The following YEATS2 variants were observed in gnomAD, a reference collection of about 807,000 sequenced individuals.
YEATS2 encodes YEATS domain containing 2.
In YEATS2, 77 loss-of-function variants were observed where a neutral mutation model predicts 163.2. The observed-to-expected ratio is 0.47, with a 90% CI of 0.39 to 0.57. The LOEUF (loss-of-function observed/expected upper bound fraction) is 0.57, where lower values mean the gene tolerates loss of function less well. Ranked by LOEUF, YEATS2 falls within the 20% of genes least tolerant of loss-of-function variation. The pLI, the probability that YEATS2 is intolerant of heterozygous loss-of-function variation, is 0.00. For missense variants in YEATS2, 1,549 were observed against 1,729.8 expected, an observed-to-expected ratio of 0.90 and a Z score of 1.85; for synonymous variants, 631 against 645.1, an observed-to-expected ratio of 0.98 and a Z score of 0.33.
intron 9 of YEATS2, among the ~76,000 whole-genome samples, chr3:183,751,617 A>G (rs1720175366): frequency 6.6e-6 from 1 of 152,222 alleles, no homozygotes; most frequent in African/African-American, 2.4e-5. Context: ...TAAACACAAA[A>G]GCAAATAAAA....
At chr3:183,792,592 A>G (rs1328000212) in intron 21 of YEATS2, among the ~76,000 whole-genome samples, 3 of 152,054 alleles carry the variant, frequency 2.0e-5, no homozygotes, top group Admixed American at 6.6e-5. Context: ...ATCTCGGCTC[A>G]CTGCAACCTC....
rs1265931971 is a variant in YEATS2, at chr3:183,739,066, T to A, written c.924+2237T>A. ...TCTCCACATCCTCTCCAGCACCTGTTGTTTCCTGACTTTTTAATGATTGCC... is the reference window on the plus strand; with the variant it reads ...TCTCCACATCCTCTCCAGCACCTGTAGTTTCCTGACTTTTTAATGATTGCC... On this transcript the variant is annotated intron_variant, in intron 8 of 30. Transcript: ENST00000305135. 7.3e-5 allele frequency among the ~76,000 whole-genome samples: 11 copies of A among 149,924 alleles called. 1 individual carries two copies. The East Asian group carries it at 2.2e-3, about 30-fold the overall frequency.
intron 8 of YEATS2, among the ~76,000 whole-genome samples, chr3:183,747,291 G>A (rs554389049): frequency 3.3e-5 from 5 of 152,122 alleles, no homozygotes; most frequent in Non-Finnish European, 7.3e-5. Flanking sequence ...CTATGTGGCT[G>A]CATGATATTT....
intron 21 of YEATS2, among the ~76,000 whole-genome samples, chr3:183,795,664 G>A (rs1025916492): frequency 6.6e-6 from 1 of 151,802 alleles, no homozygotes; most frequent in Non-Finnish European, 1.5e-5. Flanking sequence ...GGATTAAAGT[G>A]GCTACCAGTA....
At chr3:183,767,634 G>GCCT (rs1722038217) in intron 15 of YEATS2, among the ~76,000 whole-genome samples, 1 of 152,042 alleles carries the variant, frequency 6.6e-6, no homozygotes, top group African/African-American at 2.4e-5. Context: ...GCCCGCCTTG[G>GCCT]CCTCCTGAAG....
intron 19 of YEATS2, among the ~76,000 whole-genome samples, chr3:183,782,464 C>T (rs1332118410): frequency 6.6e-6 from 1 of 151,578 alleles, no homozygotes; most frequent in East Asian, 1.9e-4. Flanking sequence ...GCTCGTGTCC[C>T]CCAGGCTGGA....
chr3:183,720,622 G>A (rs1251738640), intron 4 of YEATS2, among the ~76,000 whole-genome samples: 1 of 152,162 alleles, frequency 6.6e-6, no homozygotes, highest in Non-Finnish European at 1.5e-5. Flanking sequence ...TTAAACGGTA[G>A]ACAGGTGCTT....
intron 7 of YEATS2, among the ~76,000 whole-genome samples, chr3:183,734,222 C>T (rs1217519802): frequency 2.6e-5 from 4 of 152,094 alleles, no homozygotes; most frequent in Admixed American, 6.6e-5. Context: ...TATTACTGTG[C>T]GTACTGGGGA....
intron 1 of YEATS2, among the ~76,000 whole-genome samples, chr3:183,711,355 C>G (rs9840300): frequency 0.43 from 65,551 of 150,902 alleles, 15,496 homozygotes; most frequent in African/African-American, 0.63. Flanking sequence ...CACCTGTAGT[C>G]CCAGCTACTC....
In YEATS2 at chr3:183,752,221, A is replaced by G. The variant is rs778575839; in HGVS notation, c.1118A>G (p.His373Arg). 8 of 1,614,198 alleles carry G rather than the reference A, an allele frequency of 5.0e-6. No homozygotes were observed. The highest frequency in any genetic ancestry group is 6.8e-6 in the Non-Finnish European group (8 of 1,180,038). The change falls in exon 10 of 31, where the codon CAT becomes CGT. Residue 373 changes from histidine to arginine, a missense_variant. By Grantham distance (29) the His-to-Arg change is conservative (BLOSUM62 0). Transcript: ENST00000305135. ...GCTTCTTCACCAATAAAGCAGTCAC[A>G]TGAGCCAGTACCCGATACCTCTGTG... ...VKASSPIKQSHEPVPDTSVEK... is the reference protein window; with the variant it reads ...VKASSPIKQSREPVPDTSVEK...
chr3:183,735,739 T>G (rs1718267221), intron 7 of YEATS2, among the ~76,000 whole-genome samples: 1 of 151,898 alleles, frequency 6.6e-6, no homozygotes. Context: ...CAGGCTGGAG[T>G]GCAGTGGTGT....
chr3:183,701,644 T>C (rs986653543), intron 1 of YEATS2, among the ~76,000 whole-genome samples: 4 of 152,168 alleles, frequency 2.6e-5, no homozygotes, highest in Non-Finnish European at 5.9e-5. Flanking sequence ...TCCTCCTGCT[T>C]TGGCCTCCCA....
intron 5 of YEATS2, among the ~76,000 whole-genome samples, chr3:183,724,064 G>C (rs1030555329): frequency 6.6e-6 from 1 of 152,030 alleles, no homozygotes; most frequent in Non-Finnish European, 1.5e-5. Flanking sequence ...TATTATAAAA[G>C]GTTAAAAAGA....
intron 12 of YEATS2, among the ~76,000 whole-genome samples, chr3:183,757,028 C>G (rs1185183615): frequency 6.6e-6 from 1 of 152,098 alleles, no homozygotes. Context: ...TCCAAAGAAG[C>G]TTTTGCTAAC....
rs376383958 is a variant in YEATS2, at chr3:183,777,157, G to T, written c.2578-385G>T. ...GTTAAGTTAGATTTGATTAGGAACA[G>T]GTTTCCTCCTCGTCTCCTCTTGTCA... On this transcript the variant is annotated intron_variant, in intron 18 of 30. Transcript: ENST00000305135. 1.2e-4 allele frequency among the ~76,000 whole-genome samples: 18 copies of T among 152,286 alleles called. 1 individual carries two copies. The highest frequency in any genetic ancestry group is 5.2e-4 in the Admixed American group (8 of 15,296).
intron 11 of YEATS2, among the ~76,000 whole-genome samples, chr3:183,754,796 C>T (rs1417831651): frequency 2.6e-5 from 4 of 152,156 alleles, no homozygotes; most frequent in African/African-American, 7.2e-5. Context: ...TGTCTGTAAC[C>T]ACACTAGAAA....
At chr3:183,698,115 A>C (rs1295629035) in intron 1 of YEATS2, 122 bp downstream of exon 1, 3 of 151,762 alleles carry the variant, frequency 2.0e-5, no homozygotes, top group Non-Finnish European at 4.4e-5. Context: ...GCAGCGCGGC[A>C]GCGGGACCCG....
chr3:183,712,808 C>T (rs1482900300), intron 1 of YEATS2, among the ~76,000 whole-genome samples: 3 of 151,324 alleles, frequency 2.0e-5, no homozygotes, highest in Non-Finnish European at 2.9e-5. Context: ...TTGCCCAGGC[C>T]GGAGTGCAGT....
intron 4 of YEATS2, among the ~76,000 whole-genome samples, chr3:183,719,521 A>G (rs1156721946): frequency 6.6e-6 from 1 of 152,228 alleles, no homozygotes; most frequent in African/African-American, 2.4e-5. Flanking sequence ...GACCTCATTG[A>G]ACTGGCCCTA....
Sources: gnomAD v4.1 joint callset for allele counts (sites outside exome capture counted in the v4.1 genomes callset) on GRCh38, gnomAD v4.1.1 for gene constraint, MANE v1.5 for transcripts, NCBI Gene and HGNC (gene_info 2026-07-23, HGNC 2026-07-21) for gene names.